GABRA3: variants seen among roughly 807,000 people sequenced by gnomAD.
GABRA3 encodes gamma-aminobutyric acid receptor subunit alpha-3.
GABRA3 carries 10 observed loss-of-function variants against 30.1 expected under a neutral mutation model. The observed-to-expected ratio is 0.33, with a 90% CI of 0.20 to 0.56. GABRA3 has a LOEUF of 0.56. GABRA3 is among the 20% of genes least tolerant of loss of function. The pLI is 0.89. For synonymous variants in GABRA3, 151 were observed against 146.8 expected (o/e 1.03, Z -0.21); for missense variants, 233 against 392.0 (o/e 0.59, Z 3.42).
chrX:152,207,675 C>A (rs1363107998), intron 7 of GABRA3, among the ~76,000 whole-genome samples: 1 of 111,762 alleles, frequency 8.9e-6, no homozygotes, highest in Non-Finnish European at 1.9e-5. Context: ...GCTCTTCCCC[C>A]ACCATGGCCT....
chrX:152,303,653 C>G lies in GABRA3; in HGVS notation c.263-18918G>C, dbSNP rs768223892. ...GCCATAAAAATGAAAGAGTTTATGA[C>G]CTTTGCAGGGATATGGATGAAGCTG... On this transcript the variant is annotated intron_variant, in intron 3 of 9. Coordinates refer to ENST00000370314, the MANE Select transcript of GABRA3 (RefSeq NM_000808.4). Among the ~76,000 whole-genome samples, 9 of 111,500 alleles carry G rather than the reference C, an allele frequency of 8.1e-5. No individual in the cohort carries two copies. The South Asian group carries it at 1.1e-3, about 14-fold the overall frequency.
At chrX:152,433,071 T>A (rs1014284759) in intron 1 of GABRA3, among the ~76,000 whole-genome samples, 5 of 110,782 alleles carry the variant, frequency 4.5e-5, no homozygotes, top group Non-Finnish European at 9.5e-5. Flanking sequence ...AAGAAAAAAA[T>A]CATGCAATGA....
intron 5 of GABRA3, among the ~76,000 whole-genome samples, chrX:152,252,781 G>A (rs917060322): frequency 1.5e-4 from 17 of 111,108 alleles, no homozygotes; most frequent in South Asian, 1.5e-3. Flanking sequence ...GGACCCACTC[G>A]CTTCTATGTC....
intron 9 of GABRA3, among the ~76,000 whole-genome samples, chrX:152,182,663 GTATATATACAC>G (rs1391192367): frequency 1.5e-4 from 11 of 75,093 alleles, no homozygotes; most frequent in South Asian, 5.7e-4. Flanking sequence ...CATATATAGT[GTATATATACAC>G]TATATATACA....
At chrX:152,206,621 C>T (rs72614777) in intron 7 of GABRA3, among the ~76,000 whole-genome samples, 4,138 of 111,357 alleles carry the variant, frequency 0.037, 237 homozygotes, top group East Asian at 0.32. Context: ...TGAGCCCTGG[C>T]CACGCAGTGG....
At chrX:152,217,316 C>A (rs1237209304) in intron 6 of GABRA3, among the ~76,000 whole-genome samples, 1 of 111,163 alleles carries the variant, frequency 9.0e-6, no homozygotes, top group Non-Finnish European at 1.9e-5. Context: ...GATGTATAAT[C>A]CATTTTATAA....
chrX:152,389,184 T>C (rs1929408452), intron 1 of GABRA3: 1 of 111,799 alleles, frequency 8.9e-6, no homozygotes, highest in Admixed American at 9.5e-5. Context: ...AGGGTAATGG[T>C]ATAAAAAAGA....
rs201803423 is a variant in GABRA3, at chrX:152,295,193, T to A, written c.263-10458A>T. ...GAGGCAGTCTGTCCATTCTCCGAGC[T>A]CAAACACTGTGCTGGGAGAACCACT... On this transcript the variant is annotated intron_variant, in intron 3 of 9. Coordinates refer to ENST00000370314, the MANE Select transcript of GABRA3 (RefSeq NM_000808.4). 7.1e-5 allele frequency among the ~76,000 whole-genome samples: 8 copies of A among 112,345 alleles called. No individual in the cohort carries two copies. In the East Asian group the frequency reaches 2.0e-3, roughly 28 times the overall value.
chrX:152,188,555 A>C (rs1480605218), intron 9 of GABRA3, among the ~76,000 whole-genome samples: 3 of 110,936 alleles, frequency 2.7e-5, no homozygotes, highest in Non-Finnish European at 5.7e-5. Flanking sequence ...AGGAATAAAT[A>C]TATTTTAAGG....
At chrX:152,266,351 C>G (rs1347982158) in intron 4 of GABRA3, among the ~76,000 whole-genome samples, 1 of 111,858 alleles carries the variant, frequency 8.9e-6, no homozygotes, top group Non-Finnish European at 1.9e-5. Context: ...CAATGCGATA[C>G]AGCATATCTA....
At chrX:152,376,016 C>T (rs927958332) in intron 1 of GABRA3, among the ~76,000 whole-genome samples, 2 of 112,122 alleles carry the variant, frequency 1.8e-5, no homozygotes, top group African/African-American at 6.5e-5. Context: ...GCAGCATCTG[C>T]ATTTCTTTGT....
intron 8 of GABRA3, among the ~76,000 whole-genome samples, chrX:152,193,918 A>G (rs1398333540): frequency 9.0e-6 from 1 of 111,544 alleles, no homozygotes; most frequent in Non-Finnish European, 1.9e-5. Flanking sequence ...AATTGCTTGA[A>G]TCCAGGAGGC....
intron 9 of GABRA3, among the ~76,000 whole-genome samples, chrX:152,188,584 G>C (rs771305652): frequency 3.0e-3 from 331 of 111,023 alleles, no homozygotes; most frequent in Non-Finnish European, 4.3e-3. Flanking sequence ...GTAACAACTA[G>C]ATTAAGCACA....
intron 3 of GABRA3, among the ~76,000 whole-genome samples, chrX:152,311,357 C>T (rs1290316914): frequency 8.9e-6 from 1 of 112,132 alleles, no homozygotes; most frequent in Non-Finnish European, 1.9e-5. Context: ...GGCTAATCCA[C>T]CACAATCAAC....
intron 1 of GABRA3, among the ~76,000 whole-genome samples, chrX:152,445,166 C>T (rs1394983053): frequency 2.7e-5 from 3 of 109,557 alleles, no homozygotes; most frequent in Non-Finnish European, 5.7e-5. Context: ...TTTTATTCCC[C>T]CTTCTGTGTA....
intron 4 of GABRA3, among the ~76,000 whole-genome samples, chrX:152,283,549 A>G (rs1021248842): frequency 1.8e-5 from 2 of 111,545 alleles, no homozygotes; most frequent in Admixed American, 1.9e-4. Context: ...GCCTAAATCA[A>G]CTCTCAGGCT....
chrX:152,450,855 C>A (rs1931203648), intron 1 of GABRA3, among the ~76,000 whole-genome samples: 1 of 112,613 alleles, frequency 8.9e-6, no homozygotes, highest in African/African-American at 3.2e-5. Flanking sequence ...TCAGTGCTGA[C>A]CTGCTTCCAA....
intron 3 of GABRA3, among the ~76,000 whole-genome samples, chrX:152,339,028 T>C (rs1007511714): frequency 9.0e-6 from 1 of 111,068 alleles, no homozygotes; most frequent in African/African-American, 3.3e-5. Flanking sequence ...TGTCATCCTA[T>C]GTACATTTAA....
intron 6 of GABRA3, among the ~76,000 whole-genome samples, chrX:152,213,562 C>A (rs1243879015): frequency 9.0e-6 from 1 of 110,999 alleles, no homozygotes; most frequent in Non-Finnish European, 1.9e-5. Context: ...ACATTTCAGG[C>A]CAAAATAATA....
Sources: gnomAD v4.1 joint callset for allele counts (sites outside exome capture counted in the v4.1 genomes callset) on GRCh38, gnomAD v4.1.1 for gene constraint, MANE v1.5 for transcripts, NCBI Gene and HGNC (gene_info 2026-07-23, HGNC 2026-07-21) for gene names.